The following PPCS variants were observed in gnomAD, a reference collection of about 807,000 sequenced individuals.
PPCS encodes the protein phosphopantothenoylcysteine synthetase, also known as phosphopantothenate--cysteine ligase.
Under a neutral mutation model 24.6 loss-of-function variants are expected in PPCS, and 17 were observed. That is an observed-to-expected ratio of 0.69 (90% CI 0.47 to 1.04). PPCS has a LOEUF of 1.04. PPCS is among the 50% of genes least tolerant of loss of function. The pLI is 0.00. For missense variants in PPCS, 360 were observed against 402.8 expected (o/e 0.89, Z 0.91); for synonymous variants, 190 against 168.3 (o/e 1.13, Z -1.00).
Position 42,456,763 on chromosome 1 carries a change from T to A in PPCS, c.198T>A (p.Gly66=). 23 of 1,612,296 alleles carry A rather than the reference T, an allele frequency of 1.4e-5. No individual in the cohort carries two copies. Among genetic ancestry groups the A allele is most frequent in the Non-Finnish European group, 1.9e-5 (23 of 1,179,848 alleles). Residue 66 remains glycine (G), a synonymous_variant, in exon 1 of 3, where the codon GGT becomes GGA. Transcript: ENST00000372561. ...FLDNFSSGRR[G]ATSAEAFLAA... ...ACAACTTCAGCAGCGGGCGGCGCGG[T>A]GCAACCTCGGCCGAGGCCTTCCTAG...
intron 2 of PPCS, among the ~76,000 whole-genome samples, chr1:42,470,010 A>G (rs1643715978): frequency 6.6e-6 from 1 of 152,192 alleles, no homozygotes; most frequent in Admixed American, 6.6e-5. Context: ...CTCTATCGGC[A>G]CTCAGCAACC....
At chr1:42,473,286 A>G (rs1459843310) in exon 3 of PPCS, 10 of 1,231,194 alleles carry the variant, frequency 8.1e-6, no homozygotes, top group Non-Finnish European at 9.1e-6. Flanking sequence ...AGTGAAGCAC[A>G]TGGGTGAAAC....
chr1:42,470,476 G>T (rs920096466), intron 2 of PPCS, among the ~76,000 whole-genome samples: 7 of 152,070 alleles, frequency 4.6e-5, no homozygotes, highest in Non-Finnish European at 7.4e-5. Flanking sequence ...ATACCCCAAA[G>T]AATTGAAAAC....
chr1:42,456,890 G>A lies in PPCS; in HGVS notation c.325G>A (p.Gly109Ser), dbSNP rs1166033381. 1 of 1,612,636 alleles carries A rather than the reference G, an allele frequency of 6.2e-7. No individual in the cohort carries two copies. Among genetic ancestry groups the A allele is most frequent in the Admixed American group, 1.7e-5 (1 of 60,032 alleles). Residue 109 changes from glycine to serine, a missense_variant, in exon 1 of 3, where the codon GGC becomes AGC. Transcript: ENST00000372561. ...TTGGCTGTCCGCTCTGCGGCCTTCG[G>A]GCCCAGCCCTTTCGGGCTTGCTGAG... ...QTWLSALRPS[G>S]PALSGLLSLE...
downstream of PPCS, among the ~76,000 whole-genome samples, chr1:42,461,541 A>T (rs372345305): frequency 3.9e-3 from 573 of 145,866 alleles, 1 homozygote; most frequent in African/African-American, 0.013. Context: ...TTACTATGTT[A>T]CCCAGGCTCT....
intron 2 of PPCS, among the ~76,000 whole-genome samples, chr1:42,457,861 A>C (rs1482566389): frequency 6.6e-6 from 1 of 151,784 alleles, no homozygotes; most frequent in East Asian, 1.9e-4. Context: ...AGGCTGAGGC[A>C]GAAGAATCGC....
chr1:42,461,188 G>GTCTGATAATAGAAGTA lies in PPCS; in HGVS notation c.*1263_*1278dup, dbSNP rs1643401608. On this transcript the variant is annotated 3_prime_UTR_variant, in exon 3 of 3. Coordinates refer to ENST00000372561, the MANE Select transcript of PPCS (RefSeq NM_024664.4). ...GTAGGGAAGGGTAGCCCCTGTGTCT[G>GTCTGATAATAGAAGTA]TCTGATAATAGAAGTACAATAAATT... is the stretch of plus-strand genomic sequence containing the variant. Among the ~76,000 whole-genome samples, 1 of 152,198 alleles carries GTCTGATAATAGAAGTA rather than the reference G, an allele frequency of 6.6e-6. No individual in the cohort carries two copies. Among genetic ancestry groups the GTCTGATAATAGAAGTA allele is most frequent in the Non-Finnish European group, 1.5e-5 (1 of 68,028 alleles).
chr1:42,473,337 C>A, exon 3 of PPCS: 1 of 1,141,148 alleles, frequency 8.8e-7, no homozygotes, highest in Middle Eastern at 3.3e-4. Context: ...TTAAAGACAC[C>A]TGTGATTTTG....
chr1:42,463,348 G>C (rs1643466084), downstream of PPCS: 1 of 152,234 alleles, frequency 6.6e-6, no homozygotes, highest in African/African-American at 2.4e-5. Flanking sequence ...GGGGCCGAGC[G>C]ACCCCGGGAC....
chr1:42,459,570 T>G, intron 2 of PPCS, 33 bp from the exon 3 acceptor site: 1 of 1,574,994 alleles, frequency 6.3e-7, no homozygotes, highest in South Asian at 1.1e-5. Context: ...ATGACCATTG[T>G]TTGCTTATTA....
At chr1:42,462,216 G>A (rs1047627709), downstream of PPCS, among the ~76,000 whole-genome samples, 12 of 152,154 alleles carry the variant, frequency 7.9e-5, no homozygotes, top group Admixed American at 7.9e-4. Flanking sequence ...AAAATTCCAG[G>A]GGGGTGGGGG....
Position 42,457,068 on chromosome 1 carries a change from C to G in PPCS, c.503C>G (p.Pro168Arg). 1.3e-6 allele frequency: 2 copies of G among 1,594,132 alleles called. No homozygotes were observed. Among genetic ancestry groups the G allele is most frequent in the Non-Finnish European group, 1.7e-6 (2 of 1,174,746 alleles). Residue 168 changes from proline (P) to arginine (R), a missense_variant, in exon 1 of 3, where the codon CCG (proline) becomes CGG (arginine). Pro to Arg is a moderately radical substitution (Grantham distance 103, BLOSUM62 -2). Transcript: ENST00000372561. ...CAGGCTGCGGCCCAGGCACTCAATCCGCTAGGTGCGTGCCCTAGGAGTACC... is the reference window on the plus strand; with the variant it reads ...CAGGCTGCGGCCCAGGCACTCAATCGGCTAGGTGCGTGCCCTAGGAGTACC... ...LLQAAAQALN[P>R]LGPSAMFYLA...
At chr1:42,471,560 G>A (rs1643771103) in intron 2 of PPCS, among the ~76,000 whole-genome samples, 1 of 152,128 alleles carries the variant, frequency 6.6e-6, no homozygotes, top group Non-Finnish European at 1.5e-5. Context: ...CTCATAGGAT[G>A]CTATGTATTC....
intron 2 of PPCS, among the ~76,000 whole-genome samples, chr1:42,471,856 A>G (rs953481995): frequency 6.6e-6 from 1 of 150,944 alleles, no homozygotes; most frequent in Non-Finnish European, 1.5e-5. Context: ...AAACTTAGCA[A>G]TCAAGGAGAA....
chr1:42,457,484 C>G (rs1450311012), intron 2 of PPCS, 134 bp downstream of exon 2: 17 of 738,804 alleles, frequency 2.3e-5, no homozygotes, highest in Admixed American at 4.5e-5. Flanking sequence ...TAAGACACCG[C>G]CCTCCCTCAT....
chr1:42,473,400 T>C, downstream of PPCS: 3 of 707,348 alleles, frequency 4.2e-6, no homozygotes, highest in Non-Finnish European at 2.0e-6. Flanking sequence ...TGGCTATCAC[T>C]GTATAGTTTG....
chr1:42,458,747 G>C lies in PPCS; in HGVS notation c.613-856G>C, dbSNP rs545450673. ...ATCCCACAGTTTTTAGTTCTATCTTGAAAGTAACAAAGCAACTGAACATTA... is the reference window on the plus strand; with the variant it reads ...ATCCCACAGTTTTTAGTTCTATCTTCAAAGTAACAAAGCAACTGAACATTA... On this transcript the variant is annotated intron_variant, in intron 2 of 2. Coordinates refer to ENST00000372561, the MANE Select transcript of PPCS (RefSeq NM_024664.4). Among the ~76,000 whole-genome samples the C allele has an allele frequency of 1.6e-4, 25 of 152,166 alleles. 1 individual carries two copies. The South Asian group carries it at 4.8e-3, about 29-fold the overall frequency.
chr1:42,456,571 G>A lies in PPCS; in HGVS notation c.6G>A (p.Ala2=). The part of the protein sequence containing the change: M[A]EMDPVAEFPQ... ...CGCCGGCCGCTGCGCTGCAGATGGCGGAAATGGATCCGGTAGCCGAGTTCC... is the reference window on the plus strand; with the variant it reads ...CGCCGGCCGCTGCGCTGCAGATGGCAGAAATGGATCCGGTAGCCGAGTTCC... Residue 2 remains alanine, a synonymous_variant, in exon 1 of 3, where the codon GCG becomes GCA. Transcript: ENST00000372561. The A allele has an allele frequency of 6.8e-7, 1 of 1,480,638 alleles. No individual in the cohort carries two copies. Among genetic ancestry groups the A allele is most frequent in the Non-Finnish European group, 8.9e-7 (1 of 1,117,564 alleles). 91.7% of individuals were successfully genotyped at this position (1,480,638 alleles called of 1,614,324 possible).
At chr1:42,457,538 C>T in intron 2 of PPCS, 188 bp downstream of exon 2, 1 of 610,348 alleles carries the variant, frequency 1.6e-6, no homozygotes, top group South Asian at 1.9e-5. Context: ...GACATAATTA[C>T]AATACAGAGT....
Sources: gnomAD v4.1 joint callset for allele counts (sites outside exome capture counted in the v4.1 genomes callset) on GRCh38, gnomAD v4.1.1 for gene constraint, MANE v1.5 for transcripts, NCBI Gene and HGNC (gene_info 2026-07-23, HGNC 2026-07-21) for gene names.